The following TAF4B variants were observed in gnomAD, a reference collection of about 807,000 sequenced individuals.
TAF4B encodes the protein TATA-box binding protein associated factor 4b, also known as transcription initiation factor TFIID subunit 4B.
TAF4B carries 38 observed loss-of-function variants against 86.4 expected under a neutral mutation model. The ratio of observed to expected loss-of-function variants is 0.44; its 90% CI spans 0.34 to 0.58. TAF4B has a LOEUF of 0.58. TAF4B is among the 20% of genes least tolerant of loss of function. The pLI is 0.02. For synonymous variants in TAF4B, 388 were observed against 391.2 expected (o/e 0.99, Z 0.10); for missense variants, 988 against 1,027.6 (o/e 0.96, Z 0.53).
chr18:26,304,840 A>T, intron 9 of TAF4B: 1 of 985,432 alleles, frequency 1.0e-6, no homozygotes. Context: ...AATCTAGTCC[A>T]CTTACTGCCT....
At chr18:26,228,668 C>A (rs1467612009) in intron 1 of TAF4B, among the ~76,000 whole-genome samples, 1 of 150,968 alleles carries the variant, frequency 6.6e-6, no homozygotes, top group Non-Finnish European at 1.5e-5. Context: ...GAGGCTAAGG[C>A]ACGAGAATCG....
intron 1 of TAF4B, among the ~76,000 whole-genome samples, chr18:26,229,978 T>TATATAC (rs1555669591): frequency 1.3e-5 from 2 of 150,790 alleles, no homozygotes; most frequent in African/African-American, 4.9e-5. Context: ...TATATATATA[T>TATATAC]ACACACACAC....
intron 6 of TAF4B, among the ~76,000 whole-genome samples, chr18:26,283,146 T>C (rs899437765): frequency 2.6e-5 from 4 of 152,256 alleles, no homozygotes; most frequent in African/African-American, 9.6e-5. Flanking sequence ...CTCATAAATA[T>C]ACTTAATGGC....
intron 9 of TAF4B, among the ~76,000 whole-genome samples, chr18:26,304,189 T>C (rs2056771054): frequency 6.6e-6 from 1 of 150,836 alleles, no homozygotes; most frequent in Non-Finnish European, 1.5e-5. Context: ...TTTTTTGCTT[T>C]GAAGATGTTA....
intron 12 of TAF4B, among the ~76,000 whole-genome samples, chr18:26,329,130 T>G (rs2057031446): frequency 6.6e-6 from 1 of 152,074 alleles, no homozygotes; most frequent in African/African-American, 2.4e-5. Flanking sequence ...TGATCGTGGC[T>G]CACTGCAGCC....
At chr18:26,227,384 A>C (rs767911052) in intron 1 of TAF4B, 108 bp downstream of exon 1, 30 of 967,704 alleles carry the variant, frequency 3.1e-5, no homozygotes, top group Non-Finnish European at 4.7e-5. Context: ...GGAACATTTC[A>C]TAATCTTGAC....
chr18:26,357,755 T>C lies in TAF4B; in HGVS notation c.2382T>C (p.Ile794=). 1 of 1,613,198 alleles carries C rather than the reference T, an allele frequency of 6.2e-7. No individual in the cohort carries two copies. Among genetic ancestry groups the C allele is most frequent in the Non-Finnish European group, 8.5e-7 (1 of 1,179,506 alleles). ...RDANLTALAA[I]GPRKKRPLES... is the part of the protein sequence containing the mutation. The stretch of plus-strand genomic sequence containing the variant: ...CTAATCTCACAGCTCTTGCAGCTAT[T>C]GGACCAAGGAAGAAGAGACCACTAG... The change falls in exon 14 of 15, where the codon ATT becomes ATC. Residue 794 remains isoleucine (I), a synonymous_variant. Transcript: ENST00000269142.
chr18:26,344,357 ATTTT>A, intron 13 of TAF4B, among the ~76,000 whole-genome samples: 1 of 147,788 alleles, frequency 6.8e-6, no homozygotes, highest in East Asian at 2.0e-4. Flanking sequence ...TAGAAAAACT[ATTTT>A]TTTTTTTTAA....
intron 10 of TAF4B, among the ~76,000 whole-genome samples, chr18:26,318,926 C>T (rs112594523): frequency 6.6e-6 from 1 of 152,202 alleles, no homozygotes; most frequent in African/African-American, 2.4e-5. Context: ...CACTAAGGTG[C>T]CTTGCACCTG....
chr18:26,256,911 T>G (rs2056093727), intron 1 of TAF4B, among the ~76,000 whole-genome samples: 1 of 151,530 alleles, frequency 6.6e-6, no homozygotes, highest in South Asian at 2.1e-4. Flanking sequence ...AGTAATTGTG[T>G]TTTTTTTGCC....
At chr18:26,375,158 G>A (rs754250310) in intron 14 of TAF4B, among the ~76,000 whole-genome samples, 1 of 152,116 alleles carries the variant, frequency 6.6e-6, no homozygotes, top group Non-Finnish European at 1.5e-5. Context: ...TCATACAAAC[G>A]GAATCGTACA....
chr18:26,273,651 T>A (rs1485736433), intron 3 of TAF4B, among the ~76,000 whole-genome samples: 2 of 152,190 alleles, frequency 1.3e-5, no homozygotes, highest in African/African-American at 4.8e-5. Context: ...TGGCTCAGCC[T>A]TCCAAAGTGC....
At chr18:26,285,222 G>GTTTTTGTTTTTGTTTTTGTTTTTGTTTTT in intron 6 of TAF4B, among the ~76,000 whole-genome samples, 2 of 45,692 alleles carry the variant, frequency 4.4e-5, no homozygotes, top group African/African-American at 6.3e-5. Context: ...TTTTTTTTTT[G>GTTTTTGTTTTTGTTTTTGTTTTTGTTTTT]TTTTTTTTTT....
chr18:26,273,518 CCTT>C (rs903238023), intron 3 of TAF4B, among the ~76,000 whole-genome samples: 1 of 152,124 alleles, frequency 6.6e-6, no homozygotes, highest in African/African-American at 2.4e-5. Flanking sequence ...CCACTCCTCT[CCTT>C]CTATCAATTC....
At chr18:26,259,474 C>T (rs1488977473) in intron 1 of TAF4B, among the ~76,000 whole-genome samples, 4 of 151,930 alleles carry the variant, frequency 2.6e-5, no homozygotes, top group African/African-American at 9.7e-5. Context: ...TGATGTTCCC[C>T]ACCCTGTGTC....
chr18:26,346,887 A>ATATATGTGTGTG (rs2057200583), intron 13 of TAF4B, among the ~76,000 whole-genome samples: 4 of 12,900 alleles, frequency 3.1e-4, no homozygotes, highest in South Asian at 6.9e-3. Context: ...GTATATATAT[A>ATATATGTGTGTG]TATATATATA....
chr18:26,295,968 ATTAG>A (rs1437199665), intron 9 of TAF4B, among the ~76,000 whole-genome samples: 5 of 141,064 alleles, frequency 3.5e-5, no homozygotes, highest in Non-Finnish European at 4.5e-5. Flanking sequence ...AGTTTTAAAT[ATTAG>A]TTCTTGTTCA....
At position 26,293,427 on chromosome 18, in the gene TAF4B, T is replaced by C. The variant is rs748681641; in HGVS notation, c.1728T>C (p.Ala576=). ...TTTTTTCTTGTTTTGTTTTTATAGCTTCCATTCTAAAGCAAATTACTCTGC... is the reference window on the plus strand; with the variant it reads ...TTTTTTCTTGTTTTGTTTTTATAGCCTCCATTCTAAAGCAAATTACTCTGC... The part of the protein sequence containing the change: ...TIIPTSQFPP[A]SILKQITLPG... The change falls in exon 9 of 15, where the codon GCT becomes GCC. Residue 576 remains alanine, a splice_region_variant and synonymous_variant. Transcript: ENST00000269142. The C allele has an allele frequency of 1.9e-6, 3 of 1,590,638 alleles. No individual in the cohort carries two copies. Among genetic ancestry groups the C allele is most frequent in the Non-Finnish European group, 2.6e-6 (3 of 1,171,806 alleles).
At chr18:26,269,998 A>C (rs1430096407) in intron 3 of TAF4B, among the ~76,000 whole-genome samples, 1 of 152,222 alleles carries the variant, frequency 6.6e-6, no homozygotes, top group Non-Finnish European at 1.5e-5. Flanking sequence ...GAAGTTAACC[A>C]CTTTAGACTA....
Sources: allele counts gnomAD v4.1 joint callset (sites outside exome capture counted in the v4.1 genomes callset), GRCh38; gene constraint gnomAD v4.1.1; transcripts MANE v1.5; gene names NCBI Gene and HGNC (gene_info 2026-07-23, HGNC 2026-07-21).